ADAMTS2: variants seen among roughly 807,000 people sequenced by gnomAD.
ADAMTS2 encodes ADAM metallopeptidase with thrombospondin type 1 motif 2, also known as A disintegrin and metalloproteinase with thrombospondin motifs 2.
In ADAMTS2, 50 loss-of-function variants were observed where a neutral mutation model predicts 123.0. The ratio of observed to expected loss-of-function variants is 0.41; its 90% CI spans 0.32 to 0.51. The LOEUF is 0.51. Among genes scored for constraint, ADAMTS2 ranks in the 20% least tolerant of loss-of-function variants. The pLI is 0.35. For missense variants in ADAMTS2, 1,494 were observed against 1,705.2 expected (o/e 0.88, Z 2.18); for synonymous variants, 678 against 695.4 (o/e 0.98, Z 0.39).
intron 2 of ADAMTS2, among the ~76,000 whole-genome samples, chr5:179,277,347 T>TCC (rs1766734350): frequency 1.1e-4 from 1 of 9,292 alleles, no homozygotes. Flanking sequence ...CTGACCCCCC[T>TCC]GAGACCAAAG....
intron 2 of ADAMTS2, among the ~76,000 whole-genome samples, 193 bp downstream of exon 2, chr5:179,343,574 T>C (rs1297036142): frequency 6.6e-6 from 1 of 152,172 alleles, no homozygotes; most frequent in Admixed American, 6.5e-5. Context: ...AATGGCCCCC[T>C]GCTCAGACCA....
At chr5:179,151,921 A>C (rs1763364764) in intron 10 of ADAMTS2, among the ~76,000 whole-genome samples, 1 of 152,084 alleles carries the variant, frequency 6.6e-6, no homozygotes, top group Non-Finnish European at 1.5e-5. Context: ...ACCATGAGGA[A>C]CTCTCAGATG....
intron 3 of ADAMTS2, among the ~76,000 whole-genome samples, chr5:179,222,281 C>T (rs1179661245): frequency 6.6e-6 from 1 of 151,160 alleles, no homozygotes; most frequent in Non-Finnish European, 1.5e-5. Flanking sequence ...ACGGTGTTGA[C>T]GAGGCTTAAT....
At chr5:179,183,525 A>T (rs1764097877) in intron 4 of ADAMTS2, among the ~76,000 whole-genome samples, 1 of 152,208 alleles carries the variant, frequency 6.6e-6, no homozygotes, top group Non-Finnish European at 1.5e-5. Context: ...TAGCAGTAGG[A>T]GTGGCTTCCA....
Position 179,225,537 on chromosome 5 carries a change from GAC to G in ADAMTS2, c.689-17824_689-17823del, listed in dbSNP as rs1765262888. 6.6e-6 allele frequency among the ~76,000 whole-genome samples: 1 copy of G among 152,134 alleles called. No individual in the cohort carries two copies. Among genetic ancestry groups the G allele is most frequent in the Non-Finnish European group, 1.5e-5 (1 of 68,026 alleles). ...TAAAAACCCGAGACCCTAACAGGCA[GAC>G]ACAGGCGGCTGGACGTCGAGAGGAG... On this transcript the variant is annotated intron_variant, in intron 3 of 21. Transcript: ENST00000251582. The surrounding 1 kb of genome is among the most constrained non-coding windows in gnomAD (Gnocchi z 4.5).
chr5:179,342,278 C>G (rs1370972485), intron 2 of ADAMTS2, among the ~76,000 whole-genome samples: 1 of 152,174 alleles, frequency 6.6e-6, no homozygotes, highest in African/African-American at 2.4e-5. Flanking sequence ...CTTACCTCAC[C>G]CTAAGTCCGC....
intron 6 of ADAMTS2, 64 bp from the exon 7 acceptor site, chr5:179,154,983 C>T (rs373366310): frequency 7.7e-6 from 11 of 1,434,696 alleles, no homozygotes; most frequent in African/African-American, 5.6e-5. Context: ...TGAGGCCTGG[C>T]CTAACTCCCA....
chr5:179,300,393 C>T (rs1000534524), intron 2 of ADAMTS2, among the ~76,000 whole-genome samples: 2 of 152,072 alleles, frequency 1.3e-5, no homozygotes, highest in African/African-American at 4.8e-5. Flanking sequence ...TTTGTATGTT[C>T]AAAAGTAATT....
rs990460908 is a variant in ADAMTS2 at position 179,130,346 on chromosome 5, C to T, written c.2291-248G>A. Among the ~76,000 whole-genome samples the T allele has an allele frequency of 1.3e-5, 2 of 152,302 alleles. No individual in the cohort carries two copies. Among genetic ancestry groups the T allele is most frequent in the East Asian group, 3.9e-4 (2 of 5,172 alleles). On this transcript the variant is annotated intron_variant, in intron 15 of 21. Transcript: ENST00000251582. This position sits in a 1 kb window ranked among gnomAD's most constrained non-coding sequence, Gnocchi z 4.3. ...CTGCCCCCACCAGCCCTGGAGGTGC[C>T]GGCTCCCCTTGGAAGCCACTCAGTA...
chr5:179,173,374 G>A (rs1356838735), intron 5 of ADAMTS2, among the ~76,000 whole-genome samples: 1 of 151,946 alleles, frequency 6.6e-6, no homozygotes, highest in East Asian at 1.9e-4. Flanking sequence ...CAGTCTTTTT[G>A]GTAAATATAT....
chr5:179,139,596 C>T (rs1415103608), intron 11 of ADAMTS2, among the ~76,000 whole-genome samples: 2 of 152,162 alleles, frequency 1.3e-5, no homozygotes, highest in African/African-American at 4.8e-5. Context: ...GCTCGGTCCT[C>T]CCTCCTCTCC....
intron 2 of ADAMTS2, among the ~76,000 whole-genome samples, chr5:179,328,191 C>T (rs1454949366): frequency 2.6e-5 from 4 of 152,188 alleles, no homozygotes; most frequent in Non-Finnish European, 4.4e-5. Context: ...CACCACCACG[C>T]CCGGCTAATT....
In ADAMTS2 at chr5:179,191,380, C is replaced by G. The variant is rs971827929; in HGVS notation, c.892-10225G>C. Among the ~76,000 whole-genome samples, 5 of 152,284 alleles carry G rather than the reference C, an allele frequency of 3.3e-5. 1 individual carries two copies. The highest frequency in any genetic ancestry group is 4.1e-4 in the South Asian group (2 of 4,828). On this transcript the variant is annotated intron_variant, in intron 4 of 21. Coordinates refer to ENST00000251582, the MANE Select transcript of ADAMTS2 (RefSeq NM_014244.5). ...CTCGTGCCACCCCCGGCCCTGGCAT[C>G]CCCCCACACGCCCGTCTCAGAGGCT... is the stretch of plus-strand genomic sequence containing the variant.
chr5:179,112,836 C>T lies in ADAMTS2; in HGVS notation c.*1031G>A, dbSNP rs1406141692. On this transcript the variant is annotated 3_prime_UTR_variant, in exon 22 of 22. Coordinates refer to ENST00000251582, the MANE Select transcript of ADAMTS2 (RefSeq NM_014244.5). ...TGGGGAGCCCTGGAGCCAAGGTGGC[C>T]AGGGAAGAATGCAGGAGCTCTTCCC... is the stretch of plus-strand genomic sequence containing the variant. The T allele has an allele frequency of 1.3e-5, 2 of 152,376 alleles. No homozygotes were observed. Among genetic ancestry groups the T allele is most frequent in the African/African-American group, 4.8e-5 (2 of 41,562 alleles). The allele number at this position is 152,376 out of a possible 1,614,324, so 9.4% of individuals were successfully genotyped here.
In ADAMTS2 at chr5:179,228,183, G is replaced by A. The variant is rs770206918; in HGVS notation, c.689-20468C>T. Among the ~76,000 whole-genome samples, 3 of 152,142 alleles carry A rather than the reference G, an allele frequency of 2.0e-5. No individual in the cohort carries two copies. Among genetic ancestry groups the A allele is most frequent in the Admixed American group, 6.5e-5 (1 of 15,284 alleles). ...TGGGCCGGAGGCCCCAGGTGTGGGCGGCCTCCAGGATGAATCAGCTGCAGA... is the reference window on the plus strand; with the variant it reads ...TGGGCCGGAGGCCCCAGGTGTGGGCAGCCTCCAGGATGAATCAGCTGCAGA... On this transcript the variant is annotated intron_variant, in intron 3 of 21. Coordinates refer to ENST00000251582, the MANE Select transcript of ADAMTS2 (RefSeq NM_014244.5). This position sits in a 1 kb window ranked among gnomAD's most constrained non-coding sequence, Gnocchi z 5.2.
chr5:179,143,429 G>GA (rs546474818), intron 10 of ADAMTS2, among the ~76,000 whole-genome samples: 3,200 of 76,864 alleles, frequency 0.042, 61 homozygotes, highest in African/African-American at 0.055. Context: ...ACTCTGTCTC[G>GA]AAAAAAAAAA....
chr5:179,162,681 G>GA lies in ADAMTS2; in HGVS notation c.976-3803dup, dbSNP rs1163426145. Among the ~76,000 whole-genome samples the GA allele has an allele frequency of 6.6e-6, 1 of 152,234 alleles. No homozygotes were observed. Among genetic ancestry groups the GA allele is most frequent in the Admixed American group, 6.5e-5 (1 of 15,286 alleles). ...CAGAAGCCACAGTCTGCTTTTGATA[G>GA]AATCTCAGTCCCGCCTACCGCAGGG... On this transcript the variant is annotated intron_variant, in intron 5 of 21. Coordinates refer to ENST00000251582, the MANE Select transcript of ADAMTS2 (RefSeq NM_014244.5). This position sits in a 1 kb window ranked among gnomAD's most constrained non-coding sequence, Gnocchi z 5.1.
intron 5 of ADAMTS2, among the ~76,000 whole-genome samples, chr5:179,176,532 C>T (rs34212818): frequency 1.7e-4 from 26 of 152,146 alleles, no homozygotes; most frequent in Non-Finnish European, 3.4e-4. Flanking sequence ...AGAGTCTCTC[C>T]GCCTTCACCC....
At chr5:179,125,849 G>A in intron 18 of ADAMTS2, 149 bp downstream of exon 18, 2 of 1,234,430 alleles carry the variant, frequency 1.6e-6, no homozygotes, top group Non-Finnish European at 1.1e-6. Flanking sequence ...CTGCCCTGCA[G>A]CATCTTAGAT....
Sources: gnomAD v4.1 joint callset for allele counts (sites outside exome capture counted in the v4.1 genomes callset) on GRCh38, gnomAD v4.1.1 for gene constraint, Gnocchi (gnomAD v3.1) non-coding constraint, MANE v1.5 for transcripts, NCBI Gene and HGNC (gene_info 2026-07-23, HGNC 2026-07-21) for gene names.